The following AFF1 variants were observed in gnomAD, a reference collection of about 807,000 sequenced individuals.
The protein encoded by AFF1 is ALF transcription elongation factor 1, also known as AF4/FMR2 family member 1.
Under a neutral mutation model 121.7 loss-of-function variants are expected in AFF1, and 48 were observed. That is an observed-to-expected ratio of 0.39 (90% CI 0.31 to 0.50). The LOEUF (loss-of-function observed/expected upper bound fraction) is 0.50. AFF1 is among the 20% of genes least tolerant of loss of function. The pLI is 0.76. For synonymous variants in AFF1, 613 were observed against 563.0 expected, an observed-to-expected ratio of 1.09 and a Z score of -1.26; for missense variants, 1,523 against 1,511.7, an observed-to-expected ratio of 1.01 and a Z score of -0.12.
At position 87,065,936 on chromosome 4, in the gene AFF1, G is replaced by T. The variant is rs757001732; in HGVS notation, c.1060-18184G>T. ...ATAGTTTTTAGAAGGCTTTTATGATGATAACTTTTAAATTTATTTTTAACT... is the reference window on the plus strand; with the variant it reads ...ATAGTTTTTAGAAGGCTTTTATGATTATAACTTTTAAATTTATTTTTAACT... On this transcript the variant is annotated intron_variant, in intron 4 of 20. Transcript: ENST00000395146. Among the ~76,000 whole-genome samples, 3 of 152,260 alleles carry T rather than the reference G, an allele frequency of 2.0e-5. No individual in the cohort carries two copies. The East Asian group carries it at 5.8e-4, about 29-fold the overall frequency.
In AFF1 at chr4:87,084,126, T is replaced by G. The variant is rs771147245; in HGVS notation, c.1066T>G (p.Tyr356Asp). Residue 356 changes from tyrosine (Y) to aspartate (D), a missense_variant, in exon 5 of 21, where the codon TAC becomes GAC. Physicochemically the swap from Tyr to Asp is radical, Grantham distance 160. This residue lies in a region of AFF1 where 905 missense variants were observed against 842.5 expected (regional missense o/e 1.07). Coordinates refer to ENST00000395146, the MANE Select transcript of AFF1 (RefSeq NM_001166693.3). The part of the protein sequence containing the change: ...KMPSQSVEQT[Y>D]SNEVHCVEEI... ...TTTTGCTTTTCACTTTCAGCAGACC[T>G]ACTCCAATGAAGTCCATTGTGTTGA... The G allele has an allele frequency of 3.5e-5, 56 of 1,613,800 alleles. No individual in the cohort carries two copies. Among genetic ancestry groups the G allele is most frequent in the Non-Finnish European group, 4.4e-5 (52 of 1,179,820 alleles).
At chr4:86,953,354 C>G (rs1721510250) in intron 2 of AFF1, among the ~76,000 whole-genome samples, 1 of 152,162 alleles carries the variant, frequency 6.6e-6, no homozygotes, top group Non-Finnish European at 1.5e-5. Context: ...TCATGTGGAA[C>G]TGGTCCAGGA....
At chr4:87,007,269 G>C in intron 2 of AFF1, 3 of 1,542,658 alleles carry the variant, frequency 1.9e-6, no homozygotes, top group Non-Finnish European at 1.7e-6. Flanking sequence ...TCGAGAGCAG[G>C]TAGTCCCGTA....
intron 5 of AFF1, among the ~76,000 whole-genome samples, chr4:87,088,983 G>A (rs1182894262): frequency 6.6e-6 from 1 of 152,108 alleles, no homozygotes; most frequent in Non-Finnish European, 1.5e-5. Context: ...GATCTCAGGT[G>A]ATCCACCTGC....
intron 2 of AFF1, among the ~76,000 whole-genome samples, chr4:86,960,703 C>T (rs1310540035): frequency 1.3e-5 from 2 of 152,144 alleles, no homozygotes; most frequent in African/African-American, 2.4e-5. Context: ...TGCCTAAATT[C>T]AGCTTGCAGT....
At chr4:86,940,061 G>C (rs1197939319) in intron 1 of AFF1, among the ~76,000 whole-genome samples, 1 of 152,216 alleles carries the variant, frequency 6.6e-6, no homozygotes, top group Non-Finnish European at 1.5e-5. Context: ...GCTTACGCCT[G>C]TAATTCTAGC....
chr4:86,986,408 G>A (rs1724280791), intron 2 of AFF1, among the ~76,000 whole-genome samples: 1 of 152,036 alleles, frequency 6.6e-6, no homozygotes, highest in Non-Finnish European at 1.5e-5. Context: ...TTTTTAAAAA[G>A]AGTTAACTAT....
At chr4:86,957,278 T>G (rs968856807) in intron 2 of AFF1, among the ~76,000 whole-genome samples, 1 of 152,206 alleles carries the variant, frequency 6.6e-6, no homozygotes, top group African/African-American at 2.4e-5. Flanking sequence ...AGGCCTTCCA[T>G]TATAACAGTA....
chr4:87,119,151 G>T (rs1476868247), intron 12 of AFF1, among the ~76,000 whole-genome samples: 2 of 152,128 alleles, frequency 1.3e-5, no homozygotes, highest in Non-Finnish European at 2.9e-5. Flanking sequence ...GAGTCACCAT[G>T]CCTGGCCTAT....
intron 2 of AFF1, among the ~76,000 whole-genome samples, chr4:87,041,096 C>G (rs191459823): frequency 5.5e-4 from 84 of 152,052 alleles, no homozygotes; most frequent in Non-Finnish European, 1.0e-3. Context: ...AAGCTGGTCT[C>G]GAACTCCTGA....
At chr4:87,066,668 C>T (rs1305906406) in intron 4 of AFF1, among the ~76,000 whole-genome samples, 2 of 152,156 alleles carry the variant, frequency 1.3e-5, no homozygotes, top group African/African-American at 4.8e-5. Context: ...TTACTTTCCC[C>T]TCTCAGCCCT....
intron 2 of AFF1, among the ~76,000 whole-genome samples, chr4:87,044,335 A>G (rs907763400): frequency 1.3e-5 from 2 of 152,222 alleles, no homozygotes; most frequent in East Asian, 3.8e-4. Context: ...TTTTTAATCT[A>G]AAAGTATTTA....
At chr4:87,060,835 CAAAAAAAAAAAAAA>C (rs749186199) in intron 4 of AFF1, among the ~76,000 whole-genome samples, 2,094 of 62,092 alleles carry the variant, frequency 0.034, 40 homozygotes, top group African/African-American at 0.12. Flanking sequence ...GACTCTGTCT[CAAAAAAAAAAAAAA>C]AAAAAAAAAA....
chr4:87,114,803 G>C lies in AFF1; in HGVS notation c.1970G>C (p.Arg657Pro). The C allele has an allele frequency of 6.2e-7, 1 of 1,613,008 alleles. No individual in the cohort carries two copies. Residue 657 changes from arginine (R) to proline (P), a missense_variant, in exon 12 of 21, where the codon CGG becomes CCG. By Grantham distance (103) the Arg-to-Pro change is moderately radical. Transcript: ENST00000395146. ...KDKPKVKTKG[R>P]PRAAASNEPK... is the part of the protein sequence containing the mutation. ...AAGCCCAAGGTGAAGACGAAAGGAC[G>C]GCCCCGGGCCGCAGCAAGCAACGAA...
At chr4:87,011,654 T>C (rs910306121) in intron 2 of AFF1, among the ~76,000 whole-genome samples, 2 of 152,238 alleles carry the variant, frequency 1.3e-5, no homozygotes, top group Non-Finnish European at 2.9e-5. Flanking sequence ...AGTATTTTGA[T>C]CCATTGAATA....
chr4:86,955,436 G>A (rs1176683096), intron 2 of AFF1, among the ~76,000 whole-genome samples: 1 of 152,142 alleles, frequency 6.6e-6, no homozygotes, highest in African/African-American at 2.4e-5. Flanking sequence ...GAGAGAATGT[G>A]CCTTTTTGCC....
intron 8 of AFF1, among the ~76,000 whole-genome samples, chr4:87,096,652 A>G (rs889533215): frequency 1.3e-5 from 2 of 151,928 alleles, no homozygotes; most frequent in Non-Finnish European, 2.9e-5. Context: ...GGGCTCAAAT[A>G]ATTCTTTACC....
chr4:86,974,837 C>T (rs535144251), intron 2 of AFF1, among the ~76,000 whole-genome samples: 12 of 152,300 alleles, frequency 7.9e-5, no homozygotes, highest in African/African-American at 1.7e-4. Flanking sequence ...ACCAAGTTGT[C>T]GGTTTGTGGT....
intron 2 of AFF1, chr4:87,007,311 G>A (rs982058057): frequency 1.1e-4 from 171 of 1,590,100 alleles, no homozygotes; most frequent in Middle Eastern, 3.4e-4. Context: ...ACGCGTCCCC[G>A]CCCGGCTCCG....
Sources: allele counts gnomAD v4.1 joint callset (sites outside exome capture counted in the v4.1 genomes callset), GRCh38; gene constraint gnomAD v4.1.1; regional missense constraint gnomAD v4.1.1; transcripts MANE v1.5; gene names NCBI Gene and HGNC (gene_info 2026-07-23, HGNC 2026-07-21).